Variants in RNPEP observed in about 807,000 individuals in gnomAD.
RNPEP encodes arginyl aminopeptidase.
Under a neutral mutation model 70.1 loss-of-function variants are expected in RNPEP, and 57 were observed. The ratio of observed to expected loss-of-function variants is 0.81; its 90% CI spans 0.66 to 1.01. The LOEUF is 1.01. Ranked by LOEUF, RNPEP falls within the 50% of genes least tolerant of loss-of-function variation. The pLI, the probability that RNPEP is intolerant of heterozygous loss-of-function variation, is 0.00. For missense variants in RNPEP, 787 were observed against 852.4 expected (o/e 0.92, Z 0.96); for synonymous variants, 335 against 357.4 (o/e 0.94, Z 0.71).
intron 2 of RNPEP, 141 bp from the exon 3 acceptor site, chr1:201,989,242 A>G (rs1683237408): frequency 1.1e-5 from 13 of 1,212,798 alleles, no homozygotes; most frequent in South Asian, 7.6e-5. Flanking sequence ...GCACAGATTT[A>G]GTTTCTTGAA....
intron 5 of RNPEP, among the ~76,000 whole-genome samples, chr1:201,997,766 GT>G (rs10625357): frequency 2.9e-5 from 4 of 139,174 alleles, no homozygotes; most frequent in African/African-American, 1.1e-4. Flanking sequence ...CAGGTCATTA[GT>G]TTTTTTTTTT....
intron 1 of RNPEP, among the ~76,000 whole-genome samples, chr1:201,987,373 A>C (rs953963918): frequency 3.3e-5 from 5 of 151,376 alleles, no homozygotes; most frequent in Non-Finnish European, 7.4e-5. Context: ...AGGTAAATGA[A>C]TGGCTGTTTG....
rs747648685 is a variant in RNPEP at position 201,989,455 on chromosome 1, C to T, written c.661C>T (p.Gln221Ter). Residue 221 changes from glutamine to a stop codon, truncating the protein, a stop_gained, in exon 3 of 11, where the codon CAG becomes TAG. Transcript: ENST00000295640. LOFTEE classifies it high-confidence loss of function. The stretch of plus-strand genomic sequence containing the variant: ...GAGAGGTCCAAATAAGTTCTTCTTC[C>T]AGATGTGTCAGCCCATCCCCTCCTA... Reference protein sequence around the residue: ...EKRGPNKFFFQMCQPIPSYLI... With the variant: ...EKRGPNKFFF 31 of 1,614,068 alleles carry T rather than the reference C, an allele frequency of 1.9e-5. No individual in the cohort carries two copies. The highest frequency in any genetic ancestry group is 2.5e-5 in the Non-Finnish European group (30 of 1,180,032).
At chr1:201,988,858 C>G in intron 1 of RNPEP, 46 bp from the exon 2 acceptor site, 1 of 1,567,676 alleles carries the variant, frequency 6.4e-7, no homozygotes, top group Non-Finnish European at 8.7e-7. Context: ...CCAGACTGAG[C>G]TCGTGTGGGA....
intron 4 of RNPEP, chr1:201,996,509 T>TGTGTGTGTGTGTGTGTGTGTGTG (rs1683562535): frequency 4.5e-6 from 1 of 219,862 alleles, no homozygotes; most frequent in African/African-American, 3.6e-5. Context: ...GTGTGTGTGT[T>TGTGTGTGTGTGTGTGTGTGTGTG]TTGAGATGGA....
chr1:202,003,452 C>G lies in RNPEP; in HGVS notation c.1642C>G (p.Leu548Val). The G allele has an allele frequency of 6.2e-7, 1 of 1,611,824 alleles. No homozygotes were observed. The highest frequency in any genetic ancestry group is 1.1e-5 in the South Asian group (1 of 90,808). The change falls in exon 9 of 11, where the codon CTC becomes GTC. Residue 548 changes from leucine to valine, a missense_variant. Transcript: ENST00000295640. ...FLDKILQKSPLPPGNVKKLGD... is the reference protein window; with the variant it reads ...FLDKILQKSPVPPGNVKKLGD... Reference sequence around the variant, plus strand: ...GGATAAGATCCTCCAGAAATCCCCTCTCCCTCCTGGTAAGAAAAAATGGTG... The same window carrying G: ...GGATAAGATCCTCCAGAAATCCCCTGTCCCTCCTGGTAAGAAAAAATGGTG...
Position 201,982,724 on chromosome 1 carries a change from G to A in RNPEP, c.58G>A (p.Ala20Thr), listed in dbSNP as rs1345905030. ...SGAARRPLHSAQAVDVASASN... is the reference protein window; with the variant it reads ...SGAARRPLHSTQAVDVASASN... Reference sequence around the variant, plus strand: ...CGCGGCCCGGCGGCCGCTGCACTCCGCGCAGGCTGTGGACGTGGCCTCGGC... The same window carrying A: ...CGCGGCCCGGCGGCCGCTGCACTCCACGCAGGCTGTGGACGTGGCCTCGGC... The change falls in exon 1 of 11, where the codon GCG (alanine) becomes ACG (threonine). Residue 20 changes from alanine (A) to threonine (T), a missense_variant. Physicochemically the swap from Ala to Thr is moderately conservative, Grantham distance 58 (BLOSUM62 0). Transcript: ENST00000295640. 3 of 1,400,732 alleles carry A rather than the reference G, an allele frequency of 2.1e-6. No homozygotes were observed. Among genetic ancestry groups the A allele is most frequent in the Admixed American group, 3.2e-5 (1 of 31,164 alleles). The allele number at this position is 1,400,732 out of a possible 1,614,324, so 86.8% of individuals were successfully genotyped here.
In RNPEP at chr1:201,993,146, C is replaced by T. The variant is rs76199918; in HGVS notation, c.738-3001C>T. On this transcript the variant is annotated intron_variant, in intron 3 of 10. Transcript: ENST00000295640. ...TTATCTTCATCTGCTTTTATCCTTCCGGACTGCAACAAAGGTCCTTCCTTC... is the reference window on the plus strand; with the variant it reads ...TTATCTTCATCTGCTTTTATCCTTCTGGACTGCAACAAAGGTCCTTCCTTC... Among the ~76,000 whole-genome samples, 35 of 152,324 alleles carry T rather than the reference C, an allele frequency of 2.3e-4. 2 individuals are homozygous for T. The East Asian group carries it at 5.8e-3, about 25-fold the overall frequency.
intron 3 of RNPEP, among the ~76,000 whole-genome samples, chr1:201,992,224 G>T (rs1420997300): frequency 6.6e-6 from 1 of 152,050 alleles, no homozygotes; most frequent in Non-Finnish European, 1.5e-5. Context: ...GCAGGAGCAA[G>T]GTCTTGCTAT....
In RNPEP at chr1:201,982,697, G is replaced by A. The variant is rs1351248489; in HGVS notation, c.31G>A (p.Gly11Ser). 2.2e-6 allele frequency: 3 copies of A among 1,394,450 alleles called. No homozygotes were observed. The highest frequency in any genetic ancestry group is 2.8e-6 in the Non-Finnish European group (3 of 1,068,284). 86.4% of individuals were successfully genotyped at this position (1,394,450 alleles called of 1,614,324 possible). ...GAGCGGCGAGCATTCCCCCGGCAGCGGCGCGGCCCGGCGGCCGCTGCACTC... is the reference window on the plus strand; with the variant it reads ...GAGCGGCGAGCATTCCCCCGGCAGCAGCGCGGCCCGGCGGCCGCTGCACTC... MASGEHSPGS[G>S]AARRPLHSAQ... The change falls in exon 1 of 11, where the codon GGC (glycine) becomes AGC (serine). Residue 11 changes from glycine to serine, a missense_variant. Coordinates refer to ENST00000295640, the MANE Select transcript of RNPEP (RefSeq NM_020216.4).
chr1:201,998,200 A>G (rs1683638432), intron 5 of RNPEP, among the ~76,000 whole-genome samples: 1 of 148,288 alleles, frequency 6.7e-6, no homozygotes, highest in Non-Finnish European at 1.5e-5. Flanking sequence ...ACAATGATAA[A>G]TTCTTAGAAA....
chr1:201,983,635 G>A (rs1363856378), intron 1 of RNPEP: 1 of 1,199,058 alleles, frequency 8.3e-7, no homozygotes, highest in Non-Finnish European at 1.1e-6. Flanking sequence ...TCTTATCTTT[G>A]TTTTTGTTTC....
chr1:201,990,804 A>G (rs1417593779), intron 3 of RNPEP, among the ~76,000 whole-genome samples: 1 of 152,210 alleles, frequency 6.6e-6, no homozygotes, highest in Non-Finnish European at 1.5e-5. Flanking sequence ...CAGGGCGGGA[A>G]ATAACCAAAA....
intron 6 of RNPEP, chr1:202,000,267 C>T: frequency 2.7e-6 from 1 of 375,288 alleles, no homozygotes. Context: ...TGCACAAGTC[C>T]ATATCGTTTT....
In RNPEP at chr1:201,988,941, A is replaced by G; in HGVS notation, c.485A>G (p.Lys162Arg). ...WLAPEQTAGK[K>R]KPFVYTQGQA... ...GCTCCCGAGCAGACAGCAGGAAAGA[A>G]GAAGCCCTTCGTGTACACCCAGGGC... Residue 162 changes from lysine (K) to arginine (R), a missense_variant, in exon 2 of 11, where the codon AAG becomes AGG. By Grantham distance (26) the Lys-to-Arg change is conservative. Transcript: ENST00000295640. 6.2e-7 allele frequency: 1 copy of G among 1,613,640 alleles called. No individual in the cohort carries two copies. The highest frequency in any genetic ancestry group is 1.3e-5 in the African/African-American group (1 of 75,032).
Position 201,982,836 on chromosome 1 carries a change from G to C in RNPEP, c.170G>C (p.Arg57Pro). The change falls in exon 1 of 11, where the codon CGG (arginine) becomes CCG (proline). Residue 57 changes from arginine to proline, a missense_variant. Coordinates refer to ENST00000295640, the MANE Select transcript of RNPEP (RefSeq NM_020216.4). The part of the protein sequence containing the change: ...FGPPGPGAGS[R>P]GLSGTAVLDL... ...CCTCCAGGGCCCGGCGCAGGGAGCC[G>C]GGGGCTGAGCGGCACCGCGGTCCTG... 7.5e-7 allele frequency: 1 copy of C among 1,341,472 alleles called. No homozygotes were observed. Among genetic ancestry groups the C allele is most frequent in the Non-Finnish European group, 9.5e-7 (1 of 1,047,568 alleles). The allele number at this position is 1,341,472 out of a possible 1,614,324, so 83.1% of individuals were successfully genotyped here. A position where few individuals can be genotyped will look rare whatever the true frequency, so the allele number is the denominator to read the frequency against.
At chr1:201,995,894 C>G (rs904532364) in intron 3 of RNPEP, 2 of 424,366 alleles carry the variant, frequency 4.7e-6, no homozygotes, top group Non-Finnish European at 8.4e-6. Context: ...TTTGCAAGAT[C>G]GCATTCAGTA....
In RNPEP at chr1:202,001,376, G is replaced by A; in HGVS notation, c.1205G>A (p.Gly402Asp). The change falls in exon 7 of 11, where the codon GGC becomes GAC. Residue 402 changes from glycine to aspartate, a missense_variant and splice_region_variant. Physicochemically the swap from Gly to Asp is moderately conservative, Grantham distance 94. Transcript: ENST00000295640. ...TCTTGTCTGCTTTCTCCTCTGCCAG[G>A]CGTTGACCCGGACGACACCTATAAT... is the stretch of plus-strand genomic sequence containing the variant. ...LNKLRVKIEP[G>D]VDPDDTYNET... 2 of 1,610,258 alleles carry A rather than the reference G, an allele frequency of 1.2e-6. No homozygotes were observed. Among genetic ancestry groups the A allele is most frequent in the Non-Finnish European group, 1.7e-6 (2 of 1,176,544 alleles).
intron 2 of RNPEP, 110 bp downstream of exon 2, chr1:201,989,154 T>G (rs1683234439): frequency 1.4e-6 from 2 of 1,405,952 alleles, no homozygotes; most frequent in Admixed American, 4.4e-5. Context: ...TCAGTGGTAC[T>G]TCTGAAAAAT....
Sources: allele counts gnomAD v4.1 joint callset (sites outside exome capture counted in the v4.1 genomes callset), GRCh38; gene constraint gnomAD v4.1.1; transcripts MANE v1.5; gene names NCBI Gene and HGNC (gene_info 2026-07-23, HGNC 2026-07-21).